Variants in PCDHGA2 observed in about 807,000 individuals in gnomAD.
The protein encoded by PCDHGA2 is protocadherin gamma subfamily A, 2, also known as protocadherin gamma-A2.
A neutral mutation model predicts 59.2 loss-of-function variants in PCDHGA2; 40 were observed. The ratio of observed to expected loss-of-function variants is 0.68; its 90% CI spans 0.52 to 0.88. The LOEUF (loss-of-function observed/expected upper bound fraction) is 0.88. Ranked by LOEUF, PCDHGA2 falls within the 40% of genes least tolerant of loss-of-function variation. The pLI, the probability that PCDHGA2 is intolerant of heterozygous loss-of-function variation, is 0.00. For missense variants in PCDHGA2, 1,226 were observed against 1,204.0 expected, an observed-to-expected ratio of 1.02 and a Z score of -0.27; for synonymous variants, 560 against 526.0, an observed-to-expected ratio of 1.06 and a Z score of -0.89.
At chr5:141,506,092 G>A (rs1595997534) in intron 3 of PCDHGA2, among the ~76,000 whole-genome samples, 1 of 152,142 alleles carries the variant, frequency 6.6e-6, no homozygotes, top group Admixed American at 6.6e-5. Flanking sequence ...TTCGGCTAGT[G>A]GTGGTTGTCC....
In PCDHGA2 at chr5:141,338,981, C is replaced by T. The variant is rs767051919; in HGVS notation, c.10C>T (p.Leu4=). 2 of 1,536,884 alleles carry T rather than the reference C, an allele frequency of 1.3e-6. No homozygotes were observed. The highest frequency in any genetic ancestry group is 1.8e-6 in the Non-Finnish European group (2 of 1,141,424). MAA[L]QKLPHCRKLV... ...TTGCGACAGGAGGGAAATGGCGGCT[C>T]TGCAAAAGTTGCCACACTGCAGAAA... Residue 4 remains leucine (L), a synonymous_variant, in exon 1 of 4, where the codon CTG becomes TTG. Coordinates refer to ENST00000394576, the MANE Select transcript of PCDHGA2 (RefSeq NM_018915.4).
At chr5:141,367,105 T>G (rs1303290494) in intron 1 of PCDHGA2, 2 of 234,148 alleles carry the variant, frequency 8.5e-6, no homozygotes, top group East Asian at 2.4e-4. Flanking sequence ...AGTGTCTGCC[T>G]AGACACCATT....
Position 141,486,914 on chromosome 5 carries a change from C to T in PCDHGA2, c.2425-7893C>T, listed in dbSNP as rs1469857080. On this transcript the variant is annotated intron_variant, in intron 1 of 3. Coordinates refer to ENST00000394576, the MANE Select transcript of PCDHGA2 (RefSeq NM_018915.4). This position sits in a 1 kb window ranked among gnomAD's most constrained non-coding sequence, Gnocchi z 5.0. ...TGGTTCCTTATGTCCCCAAGCACTG[C>T]CTCCATCAGTTGGTGCTGGCCACCT... The T allele has an allele frequency of 6.2e-7, 1 of 1,614,236 alleles. No individual in the cohort carries two copies.
intron 1 of PCDHGA2, chr5:141,413,071 G>A (rs1589838233): frequency 1.7e-6 from 2 of 1,211,262 alleles, no homozygotes; most frequent in Admixed American, 2.8e-5. Flanking sequence ...AATTTAAAGT[G>A]CCCAGGCTAC....
chr5:141,480,955 G>A (rs2154578440), intron 1 of PCDHGA2, among the ~76,000 whole-genome samples: 1 of 152,304 alleles, frequency 6.6e-6, no homozygotes, highest in South Asian at 2.1e-4. Context: ...TGAGGCGGAA[G>A]CATCAGTGAG....
intron 1 of PCDHGA2, chr5:141,414,573 A>G: frequency 6.2e-7 from 1 of 1,613,920 alleles, no homozygotes; most frequent in African/African-American, 1.3e-5. Context: ...CCTATATCCC[A>G]GAGAACAACG....
intron 1 of PCDHGA2, chr5:141,408,164 A>G (rs2095051548): frequency 6.6e-7 from 1 of 1,520,576 alleles, no homozygotes; most frequent in South Asian, 1.3e-5. Context: ...ACTTTCTCCA[A>G]CTGGAAAAGC....
In PCDHGA2 at chr5:141,511,308, G is replaced by A. The variant is rs76613492; in HGVS notation, c.*135G>A. ...AGGGGCCAAGGCCATGCTCCCCTTG[G>A]GAAACAGAAACAAGTGCCCAGTCAG... is the stretch of plus-strand genomic sequence containing the variant. On this transcript the variant is annotated 3_prime_UTR_variant, in exon 4 of 4. Coordinates refer to ENST00000394576, the MANE Select transcript of PCDHGA2 (RefSeq NM_018915.4). 1.1e-3 allele frequency: 1,589 copies of A among 1,487,716 alleles called. 16 individuals carry two copies. In the African/African-American group the frequency reaches 0.021, roughly 19 times the overall value. The allele number at this position is 1,487,716 out of a possible 1,614,324, so 92.2% of individuals were successfully genotyped here.
Position 141,341,083 on chromosome 5 carries a change from C to T in PCDHGA2, c.2112C>T (p.Phe704=). ...CGGTGGCCGCGGTCTCCTGCGTCTT[C>T]CTGGCCTTCGTCATCGTGTTGCTGG... The part of the protein sequence containing the change: ...VVAVAAVSCV[F]LAFVIVLLAH... Residue 704 remains phenylalanine (F), a synonymous_variant, in exon 1 of 4, where the codon TTC becomes TTT. Coordinates refer to ENST00000394576, the MANE Select transcript of PCDHGA2 (RefSeq NM_018915.4). The T allele has an allele frequency of 6.2e-6, 10 of 1,614,244 alleles. No homozygotes were observed. Among genetic ancestry groups the T allele is most frequent in the Non-Finnish European group, 8.5e-6 (10 of 1,180,054 alleles).
intron 2 of PCDHGA2, among the ~76,000 whole-genome samples, chr5:141,498,956 AGAGG>A (rs1198207839): frequency 1.1e-4 from 14 of 124,162 alleles, no homozygotes; most frequent in East Asian, 2.7e-4. Context: ...AAAAAGAGAG[AGAGG>A]GAGGGAGGGA....
In PCDHGA2 at chr5:141,511,618, T is replaced by C. The variant is rs1227028784; in HGVS notation, c.*445T>C. 4.3e-6 allele frequency: 1 copy of C among 232,232 alleles called. No homozygotes were observed. Among genetic ancestry groups the C allele is most frequent in the East Asian group, 9.9e-5 (1 of 10,122 alleles). 14.4% of individuals were successfully genotyped at this position (232,232 alleles called of 1,614,324 possible). A position where few individuals can be genotyped will look rare whatever the true frequency, so the allele number is the denominator to read the frequency against. ...AAGTAACCTACAAGCCTCCTAGTTCTGAAAAGTTGGAAGGGCATCATGACC... is the reference window on the plus strand; with the variant it reads ...AAGTAACCTACAAGCCTCCTAGTTCCGAAAAGTTGGAAGGGCATCATGACC... On this transcript the variant is annotated 3_prime_UTR_variant, in exon 4 of 4. Transcript: ENST00000394576.
At chr5:141,449,588 CA>C (rs768743917) in intron 1 of PCDHGA2, among the ~76,000 whole-genome samples, 1,277 of 57,494 alleles carry the variant, frequency 0.022, 7 homozygotes, top group Middle Eastern at 0.041. Flanking sequence ...GACTCTGTCT[CA>C]AAAAAAAAAA....
chr5:141,381,798 C>CTCTTTCTT (rs372235829), intron 1 of PCDHGA2, among the ~76,000 whole-genome samples: 5 of 144,132 alleles, frequency 3.5e-5, no homozygotes, highest in African/African-American at 8.0e-5. Context: ...AGGCAATTCC[C>CTCTTTCTT]TCTTTCTTTC....
intron 1 of PCDHGA2, among the ~76,000 whole-genome samples, chr5:141,456,266 C>G (rs1273258132): frequency 6.6e-6 from 1 of 152,128 alleles, no homozygotes; most frequent in Non-Finnish European, 1.5e-5. Context: ...TTGCTTCTGG[C>G]TACTTCCTGC....
intron 1 of PCDHGA2, chr5:141,419,682 T>C (rs758536078): frequency 6.2e-7 from 1 of 1,612,950 alleles, no homozygotes; most frequent in Non-Finnish European, 8.5e-7. Flanking sequence ...TCCTACCACG[T>C]GGTGCAGGCC....
chr5:141,404,829 TGC>T lies in PCDHGA2; in HGVS notation c.2424+63437_2424+63438del, dbSNP rs774802551. 6.2e-6 allele frequency: 10 copies of T among 1,608,020 alleles called. No individual in the cohort carries two copies. In the Admixed American group the frequency reaches 1.7e-4, roughly 27 times the overall value. On this transcript the variant is annotated intron_variant, in intron 1 of 3. Coordinates refer to ENST00000394576, the MANE Select transcript of PCDHGA2 (RefSeq NM_018915.4). ...TCGGTGGGGCTGCACACAGGTGAAGTGCGCACAGCTCGGGCCCTGCTAGATAG... is the reference window on the plus strand; with the variant it reads ...TCGGTGGGGCTGCACACAGGTGAAGTGCACAGCTCGGGCCCTGCTAGATAG...
chr5:141,414,413 C>T, intron 1 of PCDHGA2: 1 of 1,613,830 alleles, frequency 6.2e-7, no homozygotes. Flanking sequence ...ATACACAGAG[C>T]CCTTGACAGG....
At chr5:141,483,329 A>C (rs1463046335) in intron 1 of PCDHGA2, among the ~76,000 whole-genome samples, 3 of 152,182 alleles carry the variant, frequency 2.0e-5, no homozygotes, top group Non-Finnish European at 2.9e-5. Flanking sequence ...GGAGGCAAAG[A>C]GATCTTATCT....
intron 1 of PCDHGA2, chr5:141,364,623 A>C: frequency 1.2e-6 from 2 of 1,614,178 alleles, no homozygotes; most frequent in Non-Finnish European, 1.7e-6. Flanking sequence ...CTCTGCGCTC[A>C]GAGCCCACTG....
Sources: gnomAD v4.1 joint callset for allele counts (sites outside exome capture counted in the v4.1 genomes callset) on GRCh38, gnomAD v4.1.1 for gene constraint, Gnocchi (gnomAD v3.1) non-coding constraint, MANE v1.5 for transcripts, NCBI Gene and HGNC (gene_info 2026-07-23, HGNC 2026-07-21) for gene names.